The following HOXB3 variants were observed in gnomAD, a reference collection of about 807,000 sequenced individuals.
HOXB3 encodes homeobox protein Hox-B3.
Under a neutral mutation model 29.2 loss-of-function variants are expected in HOXB3, and 17 were observed. The observed-to-expected ratio is 0.58, with a 90% CI of 0.40 to 0.87. HOXB3 has a LOEUF of 0.87. Ranked by LOEUF, HOXB3 falls within the 40% of genes least tolerant of loss-of-function variation. The pLI, the probability that HOXB3 is intolerant of heterozygous loss-of-function variation, is 0.00. For synonymous variants in HOXB3, 317 were observed against 285.9 expected, an observed-to-expected ratio of 1.11 and a Z score of -1.10; for missense variants, 637 against 616.3, an observed-to-expected ratio of 1.03 and a Z score of -0.35.
chr17:48,550,634 G>A lies in HOXB3; in HGVS notation c.996C>T (p.His332=), dbSNP rs758142438. The A allele has an allele frequency of 2.6e-6, 4 of 1,524,338 alleles. No individual in the cohort carries two copies. Among genetic ancestry groups the A allele is most frequent in the South Asian group, 2.6e-5 (2 of 76,430 alleles). The allele number at this position is 1,524,338 out of a possible 1,614,324, so 94.4% of individuals were successfully genotyped here. A position where few individuals can be genotyped will look rare whatever the true frequency, so the allele number is the denominator to read the frequency against. Reference sequence around the variant, plus strand: ...AGGCGCCCCCGTTGGCTTGGAGGACGTGCGGCTCATACTCGGGCGCCGGGG... The same window carrying A: ...AGGCGCCCCCGTTGGCTTGGAGGACATGCGGCTCATACTCGGGCGCCGGGG... ...PPTPAPEYEP[H]VLQANGGAYG... is the part of the protein sequence containing the mutation. The change falls in exon 5 of 5, where the codon CAC becomes CAT. Residue 332 remains histidine (H), a synonymous_variant. Coordinates refer to ENST00000498678, the MANE Select transcript of HOXB3 (RefSeq NM_001384749.1).
Position 48,550,434 on chromosome 17 carries a change from C to T in HOXB3, c.1196G>A (p.Gly399Glu). ...GTAGGTGGGGTGGGGTTCGCAGGGT[C>T]CGTGGTGCTGGCTGGGCGCCATAGG... ...APPMAPSQHH[G>E]PCEPHPTYTD... The change falls in exon 5 of 5, where the codon GGA becomes GAA. Residue 399 changes from glycine to glutamate, a missense_variant. Transcript: ENST00000498678. 6.2e-7 allele frequency: 1 copy of T among 1,613,760 alleles called. No individual in the cohort carries two copies. The highest frequency in any genetic ancestry group is 8.5e-7 in the Non-Finnish European group (1 of 1,179,942).
chr17:48,560,433 C>A (rs2069153111), intron 2 of HOXB3: 1 of 151,784 alleles, frequency 6.6e-6, no homozygotes, highest in Non-Finnish European at 1.5e-5. Flanking sequence ...GTGTTTGGGG[C>A]TAGGCTTTAG....
intron 3 of HOXB3, chr17:48,553,008 C>A (rs1423641369): frequency 1.3e-5 from 2 of 152,786 alleles, no homozygotes; most frequent in African/African-American, 4.8e-5. Flanking sequence ...ATCATCAACA[C>A]CCTCCTCTGA....
At chr17:48,574,583 C>CTAAAA (rs2069700622) in intron 1 of HOXB3, 1 of 152,148 alleles carries the variant, frequency 6.6e-6, no homozygotes, top group Non-Finnish European at 1.5e-5. Flanking sequence ...TATGCTCTCC[C>CTAAAA]GAGCCCCGAG....
intron 2 of HOXB3, among the ~76,000 whole-genome samples, chr17:48,559,256 C>T (rs1053862390): frequency 2.6e-5 from 4 of 152,088 alleles, no homozygotes; most frequent in Non-Finnish European, 4.4e-5. Context: ...CTGTTTCTCT[C>T]CTCCCCCAAA....
At chr17:48,567,124 A>G (rs761355533) in intron 2 of HOXB3, among the ~76,000 whole-genome samples, 1 of 151,980 alleles carries the variant, frequency 6.6e-6, no homozygotes, top group South Asian at 2.1e-4. Flanking sequence ...TTTCTCCCCA[A>G]ACCCTTTTCA....
intron 3 of HOXB3, among the ~76,000 whole-genome samples, chr17:48,555,149 T>C (rs1021761111): frequency 6.6e-6 from 1 of 151,610 alleles, no homozygotes; most frequent in African/African-American, 2.4e-5. Flanking sequence ...AGAGAGGGGA[T>C]AGGCCATCTT....
chr17:48,584,447 T>G (rs879620698), intron 1 of HOXB3, among the ~76,000 whole-genome samples: 1 of 152,182 alleles, frequency 6.6e-6, no homozygotes, highest in Non-Finnish European at 1.5e-5. Flanking sequence ...AAAACAGGCC[T>G]GCCTCTCCCA....
chr17:48,565,820 C>G (rs559781693), intron 2 of HOXB3, among the ~76,000 whole-genome samples: 1 of 152,330 alleles, frequency 6.6e-6, no homozygotes, highest in African/African-American at 2.4e-5. Flanking sequence ...AGGACAGCCT[C>G]CCTTCCCCTC....
Position 48,573,843 on chromosome 17 carries a change from G to GCCTCTCGCCT in HOXB3, c.-263_-254dup, listed in dbSNP as rs1191404187. 9 of 702,056 alleles carry GCCTCTCGCCT rather than the reference G, an allele frequency of 1.3e-5. No individual in the cohort carries two copies. Among genetic ancestry groups the GCCTCTCGCCT allele is most frequent in the Admixed American group, 1.0e-4 (5 of 49,962 alleles). 43.5% of individuals were successfully genotyped at this position (702,056 alleles called of 1,614,324 possible). On this transcript the variant is annotated 5_prime_UTR_variant, in exon 2 of 5. An upstream open reading frame in the 5' UTR gains an earlier in-frame stop. Transcript: ENST00000498678. The stretch of plus-strand genomic sequence containing the variant: ...CGGGCCCGGGCTTTGTTACCTTTGC[G>GCCTCTCGCCT]CCTCTCGCCTCCTCTCGCCCGAACT...
At position 48,548,873 on chromosome 17, in the gene HOXB3, A is replaced by T. The variant is rs531326544; in HGVS notation, c.*1461T>A. 1 of 152,288 alleles carries T rather than the reference A, an allele frequency of 6.6e-6. No homozygotes were observed. The highest frequency in any genetic ancestry group is 1.5e-5 in the Non-Finnish European group (1 of 68,044). The allele number at this position is 152,288 out of a possible 1,614,324, so 9.4% of individuals were successfully genotyped here. A position where few individuals can be genotyped will look rare whatever the true frequency, so the allele number is the denominator to read the frequency against. On this transcript the variant is annotated 3_prime_UTR_variant, in exon 5 of 5. Transcript: ENST00000498678. ...AAATTGGACCACCAGGACAAGATAA[A>T]ATTGATAACAGAAAGTTTATTCAAG...
chr17:48,587,449 C>T (rs2070068635), intron 1 of HOXB3, among the ~76,000 whole-genome samples: 1 of 152,178 alleles, frequency 6.6e-6, no homozygotes, highest in Admixed American at 6.5e-5. Context: ...GTTGGTCCCC[C>T]AAGCTGAGAA....
At chr17:48,575,687 ATAT>A (rs1235735971) in intron 1 of HOXB3, 1 of 150,760 alleles carries the variant, frequency 6.6e-6, no homozygotes, top group Non-Finnish European at 1.5e-5. Context: ...AGTAATAATA[ATAT>A]TATCAATAAT....
chr17:48,578,241 C>T (rs773856875), intron 1 of HOXB3: 1 of 1,614,034 alleles, frequency 6.2e-7, no homozygotes, highest in East Asian at 2.2e-5. Flanking sequence ...GGTAGGTAAT[C>T]GCTCTGTGAA....
intron 2 of HOXB3, among the ~76,000 whole-genome samples, chr17:48,556,029 C>G (rs1185103227): frequency 6.6e-6 from 1 of 152,116 alleles, no homozygotes; most frequent in Non-Finnish European, 1.5e-5. Context: ...ACCTCTCCCC[C>G]TTTAGCAAGC....
chr17:48,552,890 T>G (rs989603056), intron 3 of HOXB3: 32 of 168,142 alleles, frequency 1.9e-4, no homozygotes, highest in African/African-American at 7.2e-4. Flanking sequence ...CTCCTGCCTG[T>G]GCACTAGCCC....
At chr17:48,585,094 C>T (rs2070021135) in intron 1 of HOXB3, among the ~76,000 whole-genome samples, 1 of 152,086 alleles carries the variant, frequency 6.6e-6, no homozygotes, top group African/African-American at 2.4e-5. Context: ...CTTTCCTTAC[C>T]CCTCCCCCCT....
At chr17:48,587,744 A>G (rs2144921850) in intron 1 of HOXB3, among the ~76,000 whole-genome samples, 1 of 152,346 alleles carries the variant, frequency 6.6e-6, no homozygotes, top group South Asian at 2.1e-4. Context: ...TTTCCTGTTT[A>G]CACTTCTTTA....
rs1224517916 is a variant in HOXB3 at position 48,549,581 on chromosome 17, G to A, written c.*753C>T. The A allele has an allele frequency of 6.6e-6, 1 of 152,614 alleles. No homozygotes were observed. Among genetic ancestry groups the A allele is most frequent in the Non-Finnish European group, 1.5e-5 (1 of 68,054 alleles). 9.5% of individuals were successfully genotyped at this position (152,614 alleles called of 1,614,324 possible). Reference sequence around the variant, plus strand: ...AGCTGGAGCTGAGATGGAGGCAGCAGAATGGGCAAACCTTCAGTCCTAACA... The same window carrying A: ...AGCTGGAGCTGAGATGGAGGCAGCAAAATGGGCAAACCTTCAGTCCTAACA... On this transcript the variant is annotated 3_prime_UTR_variant, in exon 5 of 5. Transcript: ENST00000498678.
Sources: gnomAD v4.1 joint callset for allele counts (sites outside exome capture counted in the v4.1 genomes callset) on GRCh38, gnomAD v4.1.1 for gene constraint, MANE v1.5 for transcripts, NCBI Gene and HGNC (gene_info 2026-07-23, HGNC 2026-07-21) for gene names.